Variants in KRT28 observed in about 807,000 individuals in gnomAD.
KRT28 encodes the protein keratin, type I cytoskeletal 28.
A neutral mutation model predicts 48.1 loss-of-function variants in KRT28; 45 were observed. The ratio of observed to expected loss-of-function variants is 0.94; its 90% CI spans 0.74 to 1.20. The LOEUF (loss-of-function observed/expected upper bound fraction) is 1.20. Ranked by LOEUF, KRT28 falls within the 50% of genes most tolerant of loss-of-function variation. The pLI, the probability that KRT28 is intolerant of heterozygous loss-of-function variation, is 0.00. For missense variants in KRT28, 571 were observed against 574.1 expected (o/e 0.99, Z 0.06); for synonymous variants, 228 against 227.4 (o/e 1.00, Z -0.03).
chr17:40,799,577 G>A lies in KRT28; in HGVS notation c.317C>T (p.Ala106Val). ...RLASYLDNVR[A>V]LEEANAELER... The stretch of plus-strand genomic sequence containing the variant: ...TAATTCAGCATTTGCCTCCTCCAGA[G>A]CTCGCACATTATCCAGGTAGGATGC... Residue 106 changes from alanine (A) to valine (V), a missense_variant, in exon 1 of 8, where the codon GCT (alanine) becomes GTT (valine). Transcript: ENST00000306658. The A allele has an allele frequency of 6.2e-7, 1 of 1,614,112 alleles. No homozygotes were observed. Among genetic ancestry groups the A allele is most frequent in the Non-Finnish European group, 8.5e-7 (1 of 1,180,018 alleles).
chr17:40,797,051 C>T lies in KRT28; in HGVS notation c.853-10G>A, dbSNP rs368289710. The T allele has an allele frequency of 5.0e-6, 8 of 1,609,308 alleles. No homozygotes were observed. In the African/African-American group the frequency reaches 5.4e-5, roughly 11 times the overall value. On this transcript the variant is annotated splice_polypyrimidine_tract_variant and intron_variant, in intron 4 of 7. Coordinates refer to ENST00000306658, the MANE Select transcript of KRT28 (RefSeq NM_181535.3). ...GCTGCAGCGAGGCGCTCTGTAGGGCCGGGAAAAAGGGTCACACGGAGTCCC... is the reference window on the plus strand; with the variant it reads ...GCTGCAGCGAGGCGCTCTGTAGGGCTGGGAAAAAGGGTCACACGGAGTCCC...
rs537327011 is a variant in KRT28, at chr17:40,793,303, A to C, written c.1197-93T>G. On this transcript the variant is annotated intron_variant, in intron 6 of 7. Coordinates refer to ENST00000306658, the MANE Select transcript of KRT28 (RefSeq NM_181535.3). ...TCAATGAATGAAATTTGTATGCCAA[A>C]AACAGGTCTTAGTTTTCTATAGAGG... 1.0e-4 allele frequency: 78 copies of C among 761,904 alleles called. No homozygotes were observed. The African/African-American group carries it at 1.2e-3, about 12-fold the overall frequency. The allele number at this position is 761,904 out of a possible 1,614,324, so 47.2% of individuals were successfully genotyped here. A position where few individuals can be genotyped will look rare whatever the true frequency, so the allele number is the denominator to read the frequency against.
In KRT28 at chr17:40,793,202, G is replaced by T; in HGVS notation, c.1205C>A (p.Ser402Tyr). ...TCCTGATCCAAAGCCCTTTGATTTG[G>T]AGCATGAACTGTAAAAGAAATATAG... is the stretch of plus-strand genomic sequence containing the variant. The part of the protein sequence containing the change: ...RLIDGDGNSC[S>Y]KSKGFGSGSP... Residue 402 changes from serine to tyrosine, a missense_variant, in exon 7 of 8, where the codon TCC becomes TAC. Ser to Tyr is a moderately radical substitution (Grantham distance 144). Transcript: ENST00000306658. 1 of 1,552,054 alleles carries T rather than the reference G, an allele frequency of 6.4e-7. No individual in the cohort carries two copies. The highest frequency in any genetic ancestry group is 8.7e-7 in the Non-Finnish European group (1 of 1,147,634).
rs79510242 is a variant in KRT28 at position 40,798,030 on chromosome 17, G to A, written c.690+205C>T. 2.0e-3 allele frequency among the ~76,000 whole-genome samples: 310 copies of A among 152,322 alleles called. 5 individuals carry two copies. Among genetic ancestry groups the A allele is most frequent in the East Asian group, 0.017 (88 of 5,178 alleles). ...GAGTGATTATTATAGGCCAGGCACT[G>A]TTCTGAGCGTGTGATATGTATTAAT... On this transcript the variant is annotated intron_variant, in intron 3 of 7. Coordinates refer to ENST00000306658, the MANE Select transcript of KRT28 (RefSeq NM_181535.3).
intron 5 of KRT28, among the ~76,000 whole-genome samples, chr17:40,796,561 C>A (rs996317611): frequency 3.9e-5 from 6 of 152,172 alleles, no homozygotes; most frequent in Non-Finnish European, 7.3e-5. Flanking sequence ...GGGACACTAG[C>A]CCCACACCCC....
At chr17:40,792,802 G>T (rs1031101435) in intron 7 of KRT28, among the ~76,000 whole-genome samples, 3 of 152,132 alleles carry the variant, frequency 2.0e-5, no homozygotes, top group Non-Finnish European at 4.4e-5. Context: ...TAATGTAAAA[G>T]TATTGCTGTG....
In KRT28 at chr17:40,799,793, C is replaced by G. The variant is rs139256142; in HGVS notation, c.101G>C (p.Ser34Thr). 738 of 1,613,968 alleles carry G rather than the reference C, an allele frequency of 4.6e-4. 1 individual carries two copies. Among genetic ancestry groups the G allele is most frequent in the Non-Finnish European group, 5.9e-4 (698 of 1,180,022 alleles). ...TCCAGCAACAGAGCCACCACATGCA[C>G]TGCTGCCTGCAAAGCCTGCACCTCC... ...LNGGAGFAGSSACGGSVAGSE... is the reference protein window; with the variant it reads ...LNGGAGFAGSTACGGSVAGSE... Residue 34 changes from serine (S) to threonine (T), a missense_variant, in exon 1 of 8, where the codon AGT becomes ACT. Ser to Thr is a moderately conservative substitution (Grantham distance 58). Transcript: ENST00000306658.
rs774266610 is a variant in KRT28 at position 40,797,206 on chromosome 17, C to T, written c.766G>A (p.Ala256Thr). The T allele has an allele frequency of 3.7e-6, 6 of 1,614,148 alleles. No individual in the cohort carries two copies. The highest frequency in any genetic ancestry group is 2.2e-5 in the South Asian group (2 of 91,082). Residue 256 changes from alanine to threonine, a missense_variant, in exon 4 of 8, where the codon GCG becomes ACG. Ala to Thr is a moderately conservative substitution (Grantham distance 58, BLOSUM62 0). Coordinates refer to ENST00000306658, the MANE Select transcript of KRT28 (RefSeq NM_181535.3). Reference protein sequence around the residue: ...EMNAAPGVDLAVLLNNMRAEY... With the variant: ...EMNAAPGVDLTVLLNNMRAEY... ...GCTCGCATGTTGTTCAACAAAACCG[C>T]GAGGTCTACCCCCGGGGCCGCGTTC... is the stretch of plus-strand genomic sequence containing the variant.
At chr17:40,797,832 C>T (rs1904652100) in intron 3 of KRT28, among the ~76,000 whole-genome samples, 2 of 151,968 alleles carry the variant, frequency 1.3e-5, no homozygotes, top group South Asian at 2.1e-4. Context: ...GTCATAGCAC[C>T]CCAAGAGAAG....
rs774364794 is a variant in KRT28, at chr17:40,799,706, C to T, written c.188G>A (p.Gly63Asp). The change falls in exon 1 of 8, where the codon GGT becomes GAT. Residue 63 changes from glycine to aspartate, a missense_variant. By Grantham distance (94) the Gly-to-Asp change is moderately conservative. Coordinates refer to ENST00000306658, the MANE Select transcript of KRT28 (RefSeq NM_181535.3). ...LGSVPGGSHA[G>D]GALGNAACIG... ...ACAAGCAGCATTTCCAAGGGCACCA[C>T]CAGCATGGCTCCCACCAGGAACACT... 2 of 1,613,974 alleles carry T rather than the reference C, an allele frequency of 1.2e-6. No homozygotes were observed. Among genetic ancestry groups the T allele is most frequent in the African/African-American group, 2.7e-5 (2 of 74,892 alleles).
chr17:40,798,821 A>G, intron 2 of KRT28, 96 bp downstream of exon 2: 1 of 762,720 alleles, frequency 1.3e-6, no homozygotes, highest in Non-Finnish European at 2.2e-6. Flanking sequence ...CTTTTAGGTG[A>G]TAGTTCATTC....
rs1904547934 is a variant in KRT28 at position 40,793,853 on chromosome 17, C to T, written c.1172G>A (p.Cys391Tyr). 6.8e-6 allele frequency: 11 copies of T among 1,613,860 alleles called. No homozygotes were observed. The highest frequency in any genetic ancestry group is 9.3e-6 in the Non-Finnish European group (11 of 1,179,878). ...CTTTCCATCTCCATCTATCAGGCGG[C>T]AGTAGGTCTCAATTTCTTTTTCCAA... The part of the protein sequence containing the change: ...VHLEKEIETY[C>Y]RLIDGDGNSC... Residue 391 changes from cysteine (C) to tyrosine (Y), a missense_variant, in exon 6 of 8, where the codon TGC becomes TAC. Cys to Tyr is a radical substitution (Grantham distance 194, BLOSUM62 -2). Transcript: ENST00000306658.
chr17:40,796,829 A>T, intron 5 of KRT28, 87 bp downstream of exon 5: 10 of 1,480,732 alleles, frequency 6.8e-6, no homozygotes, highest in Non-Finnish European at 8.1e-6. Context: ...AAGGTATAAT[A>T]GGAAAAAAGA....
rs116394054 is a variant in KRT28 at position 40,794,830 on chromosome 17, C to G, written c.979-784G>C. ...CCAAGTGTCCACCCCAACTTCCACT[C>G]TTTCATTTTCCTTTTCTTGTGTGGA... On this transcript the variant is annotated intron_variant, in intron 5 of 7. Coordinates refer to ENST00000306658, the MANE Select transcript of KRT28 (RefSeq NM_181535.3). Among the ~76,000 whole-genome samples the G allele has an allele frequency of 6.2e-4, 94 of 152,288 alleles. 1 individual carries two copies. Among genetic ancestry groups the G allele is most frequent in the African/African-American group, 2.1e-3 (86 of 41,558 alleles).
chr17:40,798,507 T>C (rs1461374201), intron 2 of KRT28, 116 bp from the exon 3 acceptor site: 1 of 1,103,982 alleles, frequency 9.1e-7, no homozygotes, highest in Non-Finnish European at 1.3e-6. Context: ...CTGTAAATAG[T>C]ATAAAAATAT....
rs1351765594 is a variant in KRT28 at position 40,799,748 on chromosome 17, A to G, written c.146T>C (p.Leu49Ser). Residue 49 changes from leucine (L) to serine (S), a missense_variant, in exon 1 of 8, where the codon TTG (leucine) becomes TCG (serine). Transcript: ENST00000306658. Reference protein sequence around the residue: ...SVAGSEFSCALGGGLGSVPGG... With the variant: ...SVAGSEFSCASGGGLGSVPGG... ...AGGAACACTGCCCAAGCCCCCTCCC[A>G]AGGCACAGGAAAATTCACTTCCAGC... is the stretch of plus-strand genomic sequence containing the variant. 1 of 1,613,530 alleles carries G rather than the reference A, an allele frequency of 6.2e-7. No individual in the cohort carries two copies. Among genetic ancestry groups the G allele is most frequent in the African/African-American group, 1.3e-5 (1 of 74,832 alleles).
chr17:40,798,003 T>C (rs750245801), intron 3 of KRT28, among the ~76,000 whole-genome samples: 21 of 152,220 alleles, frequency 1.4e-4, no homozygotes, highest in South Asian at 4.1e-4. Flanking sequence ...CTGTCATTTA[T>C]TGAGTGATTA....
intron 2 of KRT28, 78 bp from the exon 3 acceptor site, chr17:40,798,469 A>G: frequency 6.8e-7 from 1 of 1,468,244 alleles, no homozygotes; most frequent in South Asian, 1.3e-5. Context: ...CAATTGCTTT[A>G]AACTGAAAAT....
intron 1 of KRT28, among the ~76,000 whole-genome samples, 183 bp downstream of exon 1, chr17:40,799,261 A>T (rs1428748414): frequency 6.6e-6 from 1 of 152,214 alleles, no homozygotes; most frequent in Non-Finnish European, 1.5e-5. Flanking sequence ...GGAACTAATA[A>T]CATTTTAACT....
Sources: gnomAD v4.1 joint callset for allele counts (sites outside exome capture counted in the v4.1 genomes callset) on GRCh38, gnomAD v4.1.1 for gene constraint, MANE v1.5 for transcripts, NCBI Gene and HGNC (gene_info 2026-07-23, HGNC 2026-07-21) for gene names.